The following CTNNA3 variants were observed in gnomAD, a reference collection of about 807,000 sequenced individuals.
CTNNA3 encodes the protein catenin alpha-3.
A neutral mutation model predicts 95.7 loss-of-function variants in CTNNA3; 76 were observed. The observed-to-expected ratio is 0.79, with a 90% CI of 0.66 to 0.96. CTNNA3 has a LOEUF of 0.96. CTNNA3 is among the 40% of genes least tolerant of loss of function. The probability of loss-of-function intolerance (pLI) is 0.00; values close to 1 mark genes in which losing one functional copy is unlikely to be tolerated. For synonymous variants in CTNNA3, 431 were observed against 374.4 expected (o/e 1.15, Z -1.74); for missense variants, 1,191 against 1,089.8 (o/e 1.09, Z -1.31).
chr10:67,324,502 G>C (rs1841461556), intron 5 of CTNNA3, among the ~76,000 whole-genome samples: 1 of 152,042 alleles, frequency 6.6e-6, no homozygotes, highest in Non-Finnish European at 1.5e-5. Context: ...TAATCATGTG[G>C]CTTTTGTTTT....
intron 7 of CTNNA3, among the ~76,000 whole-genome samples, chr10:66,899,476 C>T (rs939403336): frequency 3.3e-5 from 5 of 151,840 alleles, no homozygotes; most frequent in African/African-American, 1.2e-4. Context: ...ACTGAGGTAC[C>T]TAGTTCATCT....
intron 5 of CTNNA3, among the ~76,000 whole-genome samples, chr10:67,367,598 A>G (rs1843263552): frequency 6.6e-6 from 1 of 152,194 alleles, no homozygotes; most frequent in Non-Finnish European, 1.5e-5. Context: ...TCATTCAACC[A>G]AAAAGACACA....
chr10:67,531,855 G>T (rs906042400), intron 4 of CTNNA3, among the ~76,000 whole-genome samples: 1 of 152,108 alleles, frequency 6.6e-6, no homozygotes, highest in Admixed American at 6.5e-5. Context: ...GAATTACAGG[G>T]CCAGGTCTTT....
At chr10:67,280,028 T>C (rs1400933594) in intron 5 of CTNNA3, among the ~76,000 whole-genome samples, 1 of 150,202 alleles carries the variant, frequency 6.7e-6, no homozygotes, top group Non-Finnish European at 1.5e-5. Flanking sequence ...ACCATAGAAA[T>C]TGTAGGAGTC....
At chr10:66,850,310 A>G (rs1843439929) in intron 7 of CTNNA3, among the ~76,000 whole-genome samples, 1 of 152,182 alleles carries the variant, frequency 6.6e-6, no homozygotes, top group African/African-American at 2.4e-5. Flanking sequence ...GCATGTTTAT[A>G]CTTGCATTCC....
chr10:67,727,976 A>G (rs988160137), intron 1 of CTNNA3, among the ~76,000 whole-genome samples: 4 of 138,834 alleles, frequency 2.9e-5, no homozygotes, highest in African/African-American at 1.1e-4. Flanking sequence ...TAGATGACAC[A>G]TAATACATAT....
At chr10:66,075,675 T>G (rs1157387813) in intron 14 of CTNNA3, among the ~76,000 whole-genome samples, 1 of 151,826 alleles carries the variant, frequency 6.6e-6, no homozygotes, top group East Asian at 1.9e-4. Context: ...AGCGCCATTA[T>G]AATTATCTTA....
At chr10:67,255,313 TAAATA>T (rs1564515273) in intron 5 of CTNNA3, among the ~76,000 whole-genome samples, 1 of 151,648 alleles carries the variant, frequency 6.6e-6, no homozygotes, top group East Asian at 1.9e-4. Flanking sequence ...AATAAATAAA[TAAATA>T]AATTAATTAA....
chr10:66,091,435 C>T (rs563467893), intron 14 of CTNNA3, among the ~76,000 whole-genome samples: 53 of 151,954 alleles, frequency 3.5e-4, no homozygotes, highest in African/African-American at 1.3e-3. Flanking sequence ...TCCCAAAGCA[C>T]ATATATGGTT....
At position 66,336,358 on chromosome 10, in the gene CTNNA3, C is replaced by T. The variant is rs186628112; in HGVS notation, c.1732+42794G>A. On this transcript the variant is annotated intron_variant, in intron 12 of 17. Transcript: ENST00000433211. Reference sequence around the variant, plus strand: ...GCTGTAGACTGGAGGTGTTCCTATCCGGCCATCTTAGCTCCACCCCCAGCA... The same window carrying T: ...GCTGTAGACTGGAGGTGTTCCTATCTGGCCATCTTAGCTCCACCCCCAGCA... 2.4e-4 allele frequency among the ~76,000 whole-genome samples: 36 copies of T among 152,138 alleles called. No homozygotes were observed. The East Asian group carries it at 4.6e-3, about 20-fold the overall frequency.
At chr10:67,011,449 A>G (rs980424365) in intron 7 of CTNNA3, among the ~76,000 whole-genome samples, 1 of 151,940 alleles carries the variant, frequency 6.6e-6, no homozygotes, top group Non-Finnish European at 1.5e-5. Flanking sequence ...AAATTTACCC[A>G]TAGAGTGCAA....
intron 1 of CTNNA3, among the ~76,000 whole-genome samples, chr10:67,718,745 G>A (rs1841160242): frequency 2.0e-5 from 3 of 152,334 alleles, no homozygotes; most frequent in South Asian, 4.1e-4. Context: ...GTTCATCAGG[G>A]ATGTTGGCCT....
intron 5 of CTNNA3, among the ~76,000 whole-genome samples, chr10:67,430,331 A>G (rs1846069205): frequency 6.6e-6 from 1 of 151,974 alleles, no homozygotes; most frequent in South Asian, 2.1e-4. Flanking sequence ...CCAGCTGTGT[A>G]ATCAAGGCAG....
chr10:66,529,446 T>TG (rs59441999), intron 10 of CTNNA3, among the ~76,000 whole-genome samples: 6,639 of 134,024 alleles, frequency 0.05, 503 homozygotes, highest in African/African-American at 0.17. Flanking sequence ...AGTGTTTTTT[T>TG]TTTGTTTTTT....
chr10:66,515,343 C>CTA lies in CTNNA3; in HGVS notation c.1531+5273_1531+5274insTA, dbSNP rs201881906. Among the ~76,000 whole-genome samples, 1,375 of 138,638 alleles carry CTA rather than the reference C, an allele frequency of 9.9e-3. 16 individuals carry two copies. Among genetic ancestry groups the CTA allele is most frequent in the African/African-American group, 0.034 (1,294 of 37,990 alleles). The allele number at this position is 138,638 out of a possible 152,430, so 91.0% of individuals were successfully genotyped here. ...TCTCCCTCTCTGTCTCTCTCTCTCTCTCTATATATATATATAGTATTAGTA... is the reference window on the plus strand; with the variant it reads ...TCTCCCTCTCTGTCTCTCTCTCTCTCTATCTATATATATATATAGTATTAGTA... On this transcript the variant is annotated intron_variant, in intron 11 of 17. Coordinates refer to ENST00000433211, the MANE Select transcript of CTNNA3 (RefSeq NM_013266.4).
intron 7 of CTNNA3, among the ~76,000 whole-genome samples, chr10:66,871,686 G>A (rs1467755647): frequency 6.6e-6 from 1 of 151,820 alleles, no homozygotes; most frequent in Non-Finnish European, 1.5e-5. Flanking sequence ...ATGAAGTGCT[G>A]TTGAAGTACA....
chr10:66,599,369 C>T (rs1211247721), intron 10 of CTNNA3, among the ~76,000 whole-genome samples: 24 of 152,130 alleles, frequency 1.6e-4, no homozygotes, highest in Admixed American at 1.1e-3. Flanking sequence ...CTTAAGTATT[C>T]GCTTAAGAGA....
At chr10:66,239,487 CTG>C (rs2090010056) in intron 13 of CTNNA3, among the ~76,000 whole-genome samples, 1 of 151,798 alleles carries the variant, frequency 6.6e-6, no homozygotes, top group African/African-American at 2.4e-5. Flanking sequence ...CTTTCAGAAA[CTG>C]TGTTGAAAAA....
chr10:67,507,422 G>A (rs1401289910), intron 5 of CTNNA3, among the ~76,000 whole-genome samples: 1 of 152,022 alleles, frequency 6.6e-6, no homozygotes, highest in African/African-American at 2.4e-5. Context: ...CAGCTACTCA[G>A]GAGGCTGAGG....
Sources: gnomAD v4.1 joint callset for allele counts (sites outside exome capture counted in the v4.1 genomes callset) on GRCh38, gnomAD v4.1.1 for gene constraint, MANE v1.5 for transcripts, NCBI Gene and HGNC (gene_info 2026-07-23, HGNC 2026-07-21) for gene names.